Variants in GLB1L3 observed in about 807,000 individuals in gnomAD.
GLB1L3 encodes the protein galactosidase beta 1 like 3, also known as beta-galactosidase-1-like protein 3.
Under a neutral mutation model 89.5 loss-of-function variants are expected in GLB1L3, and 89 were observed. The ratio of observed to expected loss-of-function variants is 0.99; its 90% CI spans 0.84 to 1.19. The LOEUF (loss-of-function observed/expected upper bound fraction) is 1.19. Ranked by LOEUF, GLB1L3 falls within the 50% of genes most tolerant of loss-of-function variation. GLB1L3 has a pLI of 0.00. For synonymous variants in GLB1L3, 314 were observed against 312.3 expected, an observed-to-expected ratio of 1.01 and a Z score of -0.06; for missense variants, 812 against 813.3, an observed-to-expected ratio of 1.00 and a Z score of 0.02.
Position 134,288,850 on chromosome 11 carries a change from C to G in GLB1L3, c.689C>G (p.Ser230Ter), listed in dbSNP as rs1416516073. ...GTGCAAGTGGAGAATGAGTATGGCT[C>G]ATTCAATAAGGATAAAACATACATG... is the stretch of plus-strand genomic sequence containing the variant. ...IAVQVENEYG[S>*]FNKDKTYMPY... is the part of the protein sequence containing the mutation. The change falls in exon 7 of 20, where the codon TCA (serine) becomes TGA (stop). Residue 230 changes from serine to a stop codon, truncating the protein, a stop_gained. Transcript: ENST00000431683. LOFTEE classifies it high-confidence loss of function. 4 of 1,613,334 alleles carry G rather than the reference C, an allele frequency of 2.5e-6. No homozygotes were observed. The highest frequency in any genetic ancestry group is 1.6e-4 in the Middle Eastern group (1 of 6,076).
At chr11:134,315,646 C>A (rs1942946266) in intron 18 of GLB1L3, among the ~76,000 whole-genome samples, 1 of 152,092 alleles carries the variant, frequency 6.6e-6, no homozygotes, top group Admixed American at 6.5e-5. Flanking sequence ...TAACGTTCCC[C>A]TTGTCATTTG....
chr11:134,282,190 G>T lies in GLB1L3; in HGVS notation c.527+70G>T, dbSNP rs889350038. 7.5e-6 allele frequency: 11 copies of T among 1,460,030 alleles called. No homozygotes were observed. In the African/African-American group the frequency reaches 1.1e-4, roughly 15 times the overall value. 90.4% of individuals were successfully genotyped at this position (1,460,030 alleles called of 1,614,324 possible). ...TTGCTTTAAAAAAAGTGAATTTCAAGCTAGTAACAAGGAAAGTAACCTTTA... is the reference window on the plus strand; with the variant it reads ...TTGCTTTAAAAAAAGTGAATTTCAATCTAGTAACAAGGAAAGTAACCTTTA... On this transcript the variant is annotated intron_variant, in intron 5 of 19. Transcript: ENST00000431683.
intron 9 of GLB1L3, among the ~76,000 whole-genome samples, chr11:134,297,589 G>A (rs1010463560): frequency 2.6e-5 from 4 of 151,960 alleles, no homozygotes; most frequent in African/African-American, 7.2e-5. Context: ...GGCCGGGCGC[G>A]GTGGCTCACG....
At position 134,311,189 on chromosome 11, in the gene GLB1L3, C is replaced by T. The variant is rs1214475240; in HGVS notation, c.1287+19C>T. On this transcript the variant is annotated intron_variant, in intron 13 of 19. Transcript: ENST00000431683. ...AAATGAGGTGCGTGCTGCCTGGCCA[C>T]AGGAGGCGGAGTGGCCATTGGAGGG... 6.3e-7 allele frequency: 1 copy of T among 1,589,794 alleles called. No homozygotes were observed. The highest frequency in any genetic ancestry group is 8.6e-7 in the Non-Finnish European group (1 of 1,158,292).
intron 6 of GLB1L3, among the ~76,000 whole-genome samples, chr11:134,285,163 C>T (rs746621656): frequency 2.0e-5 from 3 of 151,988 alleles, no homozygotes; most frequent in Admixed American, 2.0e-4. Context: ...CTCCTGACCT[C>T]GTGATCCCAC....
At chr11:134,296,773 A>G (rs1411933524) in intron 9 of GLB1L3, among the ~76,000 whole-genome samples, 4 of 151,028 alleles carry the variant, frequency 2.6e-5, no homozygotes, top group Non-Finnish European at 5.9e-5. Context: ...GCGCACCAGC[A>G]TGGCACATGT....
chr11:134,292,867 G>A (rs944338568), intron 8 of GLB1L3: 7 of 524,700 alleles, frequency 1.3e-5, no homozygotes, highest in African/African-American at 7.9e-5. Context: ...CCTGTGTCCC[G>A]TTTCCAGTCT....
intron 14 of GLB1L3, 145 bp downstream of exon 14, chr11:134,312,634 GA>G (rs1175087547): frequency 2.6e-6 from 3 of 1,148,040 alleles, no homozygotes; most frequent in Non-Finnish European, 3.7e-6. Context: ...AGGCCAAATA[GA>G]CTTGCTTTCT....
rs565366603 is a variant in GLB1L3 at position 134,281,391 on chromosome 11, A to C, written c.377A>C (p.Asn126Thr). The change falls in exon 4 of 20, where the codon AAC (asparagine) becomes ACC (threonine). Residue 126 changes from asparagine to threonine, a missense_variant. Around this residue, in one of 3 missense-constraint regions of GLB1L3, gnomAD observed 191 missense variants for 191.4 expected, o/e 1.00. Transcript: ENST00000431683. ...FNTVTTYVPW[N>T]LHEPERGKFD... ...ACCTCTTCTAGCTATGTTCCGTGGA[A>C]CCTGCATGAGCCAGAAAGAGGCAAA... The C allele has an allele frequency of 6.2e-7, 1 of 1,614,146 alleles. No individual in the cohort carries two copies. Among genetic ancestry groups the C allele is most frequent in the East Asian group, 2.2e-5 (1 of 44,876 alleles).
In GLB1L3 at chr11:134,277,787, C is replaced by A. The variant is rs191037370; in HGVS notation, c.237C>A (p.His79Gln). The A allele has an allele frequency of 2.4e-5, 38 of 1,613,978 alleles. No individual in the cohort carries two copies. Among genetic ancestry groups the A allele is most frequent in the Non-Finnish European group, 3.1e-5 (37 of 1,180,020 alleles). The change falls in exon 3 of 20, where the codon CAC becomes CAA. Residue 79 changes from histidine to glutamine, a missense_variant. By Grantham distance (24) the His-to-Gln change is conservative. Around this residue, in one of 3 missense-constraint regions of GLB1L3, gnomAD observed 191 missense variants for 191.4 expected, o/e 1.00. Coordinates refer to ENST00000431683, the MANE Select transcript of GLB1L3 (RefSeq NM_001080407.3). ...GTESTGRGKP[H>Q]FTLEGHKFLI... is the part of the protein sequence containing the mutation. Reference sequence around the variant, plus strand: ...AAAGCACAGGTCGGGGTAAGCCCCACTTCACACTGGAGGGCCACAAGTTCC... The same window carrying A: ...AAAGCACAGGTCGGGGTAAGCCCCAATTCACACTGGAGGGCCACAAGTTCC...
At chr11:134,294,728 C>T (rs927446232) in intron 9 of GLB1L3, among the ~76,000 whole-genome samples, 3 of 152,212 alleles carry the variant, frequency 2.0e-5, no homozygotes, top group South Asian at 2.1e-4. Flanking sequence ...TAAGCGCGCT[C>T]ATGCAGTATT....
Position 134,319,382 on chromosome 11 carries a change from ACAG to A in GLB1L3, c.*444_*446del. ...ATGTGAAAATAACAACAACAACAAA[ACAG>A]CAGAGGAATTGTTATGTATTTTGTA... On this transcript the variant is annotated 3_prime_UTR_variant, in exon 20 of 20. Transcript: ENST00000431683. 1 of 159,008 alleles carries A rather than the reference ACAG, an allele frequency of 6.3e-6. No individual in the cohort carries two copies. The highest frequency in any genetic ancestry group is 1.9e-4 in the South Asian group (1 of 5,378). The allele number at this position is 159,008 out of a possible 1,614,324, so 9.8% of individuals were successfully genotyped here. A position where few individuals can be genotyped will look rare whatever the true frequency, so the allele number is the denominator to read the frequency against.
intron 1 of GLB1L3, 46 bp from the exon 2 acceptor site, chr11:134,277,280 G>A: frequency 6.2e-7 from 1 of 1,612,716 alleles, no homozygotes; most frequent in Admixed American, 1.7e-5. Context: ...GCAGCCCGGT[G>A]GGGCCGGAAC....
At chr11:134,309,988 A>G (rs888525804) in intron 11 of GLB1L3, 1 of 568,762 alleles carries the variant, frequency 1.8e-6, no homozygotes. Context: ...TCCGCTTCAC[A>G]CATCTGGTAT....
chr11:134,310,888 T>G, intron 12 of GLB1L3, 176 bp from the exon 13 acceptor site: 1 of 635,226 alleles, frequency 1.6e-6, no homozygotes, highest in Non-Finnish European at 2.8e-6. Flanking sequence ...GATAGTAACC[T>G]TGGTCTCCTG....
chr11:134,291,943 C>G (rs961709595), intron 7 of GLB1L3, among the ~76,000 whole-genome samples, 189 bp from the exon 8 acceptor site: 1 of 152,090 alleles, frequency 6.6e-6, no homozygotes, highest in Non-Finnish European at 1.5e-5. Flanking sequence ...CCACTGCACT[C>G]CAGCCCGGGG....
intron 8 of GLB1L3, 114 bp downstream of exon 8, chr11:134,292,327 C>A: frequency 1.4e-6 from 1 of 701,242 alleles, no homozygotes; most frequent in Non-Finnish European, 2.5e-6. Context: ...TTCCCGTGTC[C>A]ACTGGGATGG....
At chr11:134,292,414 C>T (rs1050527485) in intron 8 of GLB1L3, 2 of 500,268 alleles carry the variant, frequency 4.0e-6, no homozygotes, top group Admixed American at 3.2e-5. Context: ...CTATCTTGGC[C>T]TTGCTCCTGC....
downstream of GLB1L3, among the ~76,000 whole-genome samples, chr11:134,323,959 T>C (rs1943194731): frequency 6.6e-6 from 1 of 152,232 alleles, no homozygotes; most frequent in Non-Finnish European, 1.5e-5. Context: ...TGAAATTTCT[T>C]TCTAAATACA....
Sources: allele counts gnomAD v4.1 joint callset (sites outside exome capture counted in the v4.1 genomes callset), GRCh38; gene constraint gnomAD v4.1.1; regional missense constraint gnomAD v4.1.1; transcripts MANE v1.5; gene names NCBI Gene and HGNC (gene_info 2026-07-23, HGNC 2026-07-21).